CDC73: variants seen among roughly 807,000 people sequenced by gnomAD.
The protein encoded by CDC73 is cell division cycle 73, also known as parafibromin.
CDC73 carries 21 observed loss-of-function variants against 83.7 expected under a neutral mutation model. That is an observed-to-expected ratio of 0.25 (90% CI 0.18 to 0.36). CDC73 has a LOEUF of 0.36. Among genes scored for constraint, CDC73 ranks in the 10% least tolerant of loss-of-function variants. The pLI is 1.00. For synonymous variants in CDC73, 224 were observed against 212.9 expected (o/e 1.05, Z -0.45); for missense variants, 342 against 653.3 (o/e 0.52, Z 5.19).
At chr1:193,134,544 G>A (rs914409879) in intron 3 of CDC73, among the ~76,000 whole-genome samples, 3 of 152,132 alleles carry the variant, frequency 2.0e-5, no homozygotes, top group Non-Finnish European at 4.4e-5. Context: ...GGTGGCATGT[G>A]CCTGTAGTCC....
At chr1:193,151,353 A>G (rs1211556593) in intron 9 of CDC73, among the ~76,000 whole-genome samples, 3 of 152,218 alleles carry the variant, frequency 2.0e-5, no homozygotes, top group Non-Finnish European at 4.4e-5. Flanking sequence ...TTCTTTCATT[A>G]TAATATTCAA....
rs67477778 is a variant in CDC73, at chr1:193,144,112, C to CAAAAAA, written c.729+2061_729+2066dup. On this transcript the variant is annotated intron_variant, in intron 7 of 16. Transcript: ENST00000367435. ...GTGACAGAGTGAGACTCTGTCTCAC[C>CAAAAAA]AAAAAAAAAAAAAAAAAAAATTTCA... Among the ~76,000 whole-genome samples the CAAAAAA allele has an allele frequency of 9.3e-4, 60 of 64,384 alleles. 21 individuals are homozygous for CAAAAAA. The highest frequency in any genetic ancestry group is 1.2e-3 in the Non-Finnish European group (43 of 35,756). 42.2% of individuals were successfully genotyped at this position (64,384 alleles called of 152,430 possible).
rs370349805 is a variant in CDC73, at chr1:193,212,055, T to C, written c.1031-10T>C. On this transcript the variant is annotated splice_polypyrimidine_tract_variant and intron_variant, in intron 11 of 16. Transcript: ENST00000367435. ...TGACACAGAGTTGTGATTTTTTTTC[T>C]TTTTCACAGTTTCTCAAGCAAGACC... 10 of 1,576,538 alleles carry C rather than the reference T, an allele frequency of 6.3e-6. No homozygotes were observed. Among genetic ancestry groups the C allele is most frequent in the Non-Finnish European group, 7.8e-6 (9 of 1,155,026 alleles).
intron 8 of CDC73, among the ~76,000 whole-genome samples, chr1:193,149,200 T>TA (rs1676062230): frequency 6.6e-6 from 1 of 152,184 alleles, no homozygotes; most frequent in South Asian, 2.1e-4. Flanking sequence ...TATAGTCTAA[T>TA]ACAGCAGTCC....
At chr1:193,197,172 C>T (rs182280067) in intron 10 of CDC73, among the ~76,000 whole-genome samples, 61 of 151,132 alleles carry the variant, frequency 4.0e-4, no homozygotes, top group Non-Finnish European at 7.3e-4. Context: ...TCTTTTTTTT[C>T]TACATCATTT....
chr1:193,220,798 C>T (rs1677456404), intron 13 of CDC73, among the ~76,000 whole-genome samples: 1 of 152,018 alleles, frequency 6.6e-6, no homozygotes, highest in African/African-American at 2.4e-5. Context: ...TGATGAGATT[C>T]CTCAAGTAAT....
intron 10 of CDC73, among the ~76,000 whole-genome samples, chr1:193,190,304 CTG>C (rs1408993569): frequency 1.3e-5 from 2 of 152,118 alleles, no homozygotes; most frequent in Non-Finnish European, 2.9e-5. Flanking sequence ...TTTCTCTTGA[CTG>C]TTTTTATTTA....
At chr1:193,213,255 T>C (rs1314429154) in intron 13 of CDC73, among the ~76,000 whole-genome samples, 3 of 152,138 alleles carry the variant, frequency 2.0e-5, no homozygotes, top group Admixed American at 2.0e-4. Flanking sequence ...TTGTTTTAAA[T>C]AATCTTCAAT....
chr1:193,130,439 G>T (rs956494322), intron 3 of CDC73, among the ~76,000 whole-genome samples, 196 bp downstream of exon 3: 4 of 152,148 alleles, frequency 2.6e-5, no homozygotes, highest in Non-Finnish European at 4.4e-5. Context: ...CCCCTTCCTT[G>T]TGTGTGGATT....
intron 10 of CDC73, among the ~76,000 whole-genome samples, chr1:193,195,942 TC>T (rs1470227637): frequency 6.6e-6 from 1 of 152,190 alleles, no homozygotes; most frequent in Non-Finnish European, 1.5e-5. Context: ...TTTTTTCCCT[TC>T]CTGTAGGTTG....
intron 10 of CDC73, among the ~76,000 whole-genome samples, chr1:193,157,540 T>G (rs1233305906): frequency 6.6e-6 from 1 of 152,232 alleles, no homozygotes. Context: ...CTGGCATGAC[T>G]GCGTACTGGG....
chr1:193,127,006 G>T (rs1399344137), intron 2 of CDC73, among the ~76,000 whole-genome samples: 1 of 152,096 alleles, frequency 6.6e-6, no homozygotes, highest in Non-Finnish European at 1.5e-5. Flanking sequence ...GTGCATGCCT[G>T]TAGTCCCAGC....
At chr1:193,135,770 A>G (rs763272643) in intron 5 of CDC73, among the ~76,000 whole-genome samples, 181 bp downstream of exon 5, 48 of 152,188 alleles carry the variant, frequency 3.2e-4, no homozygotes, top group Middle Eastern at 3.4e-3. Context: ...TCTCACATGC[A>G]AGCTATGTGA....
At chr1:193,178,188 T>C (rs1676645208) in intron 10 of CDC73, among the ~76,000 whole-genome samples, 1 of 152,092 alleles carries the variant, frequency 6.6e-6, no homozygotes, top group South Asian at 2.1e-4. Context: ...AAAGTAAGGA[T>C]TTTCAACAGT....
chr1:193,188,812 C>T (rs919991272), intron 10 of CDC73, among the ~76,000 whole-genome samples: 4 of 152,010 alleles, frequency 2.6e-5, no homozygotes, highest in East Asian at 1.9e-4. Flanking sequence ...GGGACCCCCC[C>T]GCCCCGAACT....
At chr1:193,159,581 C>T (rs1376203683) in intron 10 of CDC73, among the ~76,000 whole-genome samples, 6 of 152,036 alleles carry the variant, frequency 3.9e-5, no homozygotes, top group South Asian at 4.1e-4. Flanking sequence ...AGGCTGGTTG[C>T]GAACTCCTGA....
intron 15 of CDC73, among the ~76,000 whole-genome samples, chr1:193,244,012 A>G (rs1013170093): frequency 5.3e-5 from 8 of 152,330 alleles, no homozygotes; most frequent in Admixed American, 2.6e-4. Flanking sequence ...AAAACCTCTT[A>G]TACCAGGTTG....
At chr1:193,209,742 G>A (rs1223606418) in intron 11 of CDC73, among the ~76,000 whole-genome samples, 1 of 151,400 alleles carries the variant, frequency 6.6e-6, no homozygotes, top group Non-Finnish European at 1.5e-5. Flanking sequence ...TCTTATATTG[G>A]GTCTTCTCAG....
chr1:193,182,922 C>T (rs1676741677), intron 10 of CDC73, among the ~76,000 whole-genome samples: 1 of 151,898 alleles, frequency 6.6e-6, no homozygotes, highest in South Asian at 2.1e-4. Context: ...AAAATTACTT[C>T]TTTAAGCAAA....
Sources: gnomAD v4.1 joint callset for allele counts (sites outside exome capture counted in the v4.1 genomes callset) on GRCh38, gnomAD v4.1.1 for gene constraint, MANE v1.5 for transcripts, NCBI Gene and HGNC (gene_info 2026-07-23, HGNC 2026-07-21) for gene names.